CAMK2D: variants seen among roughly 807,000 people sequenced by gnomAD.
CAMK2D encodes calcium/calmodulin-dependent protein kinase type II subunit delta.
CAMK2D carries 37 observed loss-of-function variants against 84.0 expected under a neutral mutation model. The observed-to-expected ratio is 0.44, with a 90% CI of 0.34 to 0.58. The LOEUF is 0.58. Ranked by LOEUF, CAMK2D falls within the 20% of genes least tolerant of loss-of-function variation. The pLI, the probability that CAMK2D is intolerant of heterozygous loss-of-function variation, is 0.02. For missense variants in CAMK2D, 448 were observed against 652.5 expected (o/e 0.69, Z 3.41); for synonymous variants, 202 against 212.5 (o/e 0.95, Z 0.43).
chr4:113,452,001 T>C lies in CAMK2D; in HGVS notation c.*2544A>G, dbSNP rs2097260524. On this transcript the variant is annotated 3_prime_UTR_variant, in exon 21 of 21. Coordinates refer to ENST00000511664, the MANE Select transcript of CAMK2D (RefSeq NM_001321571.2). ...TAAACAGGCATGTGAGCAAGTGTGA[T>C]GTTTTTAGCAAATCAAAAGAAGCTG... is the stretch of plus-strand genomic sequence containing the variant. 2.0e-5 allele frequency: 3 copies of C among 152,146 alleles called. No individual in the cohort carries two copies. Among genetic ancestry groups the C allele is most frequent in the Admixed American group, 2.0e-4 (3 of 15,254 alleles). 9.4% of individuals were successfully genotyped at this position (152,146 alleles called of 1,614,324 possible).
intron 2 of CAMK2D, among the ~76,000 whole-genome samples, chr4:113,702,873 TG>T (rs1233944006): frequency 1.3e-5 from 2 of 152,172 alleles, no homozygotes; most frequent in African/African-American, 2.4e-5. Flanking sequence ...AATACCATCC[TG>T]GGTGACAGAA....
chr4:113,455,526 A>G (rs1233427543), intron 20 of CAMK2D, among the ~76,000 whole-genome samples, 200 bp downstream of exon 20: 1 of 152,180 alleles, frequency 6.6e-6, no homozygotes, highest in African/African-American at 2.4e-5. Flanking sequence ...TATTACCTTT[A>G]AAATAAGGAT....
rs760746965 is a variant in CAMK2D, at chr4:113,562,724, C to CA, written c.276-10629dup. Among the ~76,000 whole-genome samples the CA allele has an allele frequency of 2.0e-5, 3 of 152,222 alleles. No individual in the cohort carries two copies. In the South Asian group the frequency reaches 6.2e-4, roughly 32 times the overall value. On this transcript the variant is annotated intron_variant, in intron 4 of 20. Transcript: ENST00000511664. ...TTTAATAATCAATTGTTCATTGAATCAAAAAACATTTGTTGCTTTTTATGT... is the reference window on the plus strand; with the variant it reads ...TTTAATAATCAATTGTTCATTGAATCAAAAAAACATTTGTTGCTTTTTATGT...
chr4:113,645,966 G>T (rs910515990), intron 3 of CAMK2D, among the ~76,000 whole-genome samples: 1 of 152,208 alleles, frequency 6.6e-6, no homozygotes, highest in African/African-American at 2.4e-5. Context: ...AATACGATAA[G>T]GAGATGTTAA....
chr4:113,574,814 T>C (rs1423239001), intron 4 of CAMK2D, among the ~76,000 whole-genome samples: 18 of 152,208 alleles, frequency 1.2e-4, no homozygotes, highest in Admixed American at 1.2e-3. Flanking sequence ...ATGTTACATA[T>C]GTGTTCCAAA....
At chr4:113,731,397 C>T (rs961967847) in intron 2 of CAMK2D, among the ~76,000 whole-genome samples, 4 of 152,092 alleles carry the variant, frequency 2.6e-5, no homozygotes, top group African/African-American at 9.7e-5. Flanking sequence ...AGTTTGAGTA[C>T]TATTCAAATG....
chr4:113,518,415 TA>T (rs1288608896), intron 8 of CAMK2D, among the ~76,000 whole-genome samples: 1 of 152,292 alleles, frequency 6.6e-6, no homozygotes, highest in South Asian at 2.1e-4. Flanking sequence ...CTTTTAAAAT[TA>T]AAAAAATTCT....
chr4:113,652,495 C>T (rs577999540), intron 3 of CAMK2D, among the ~76,000 whole-genome samples: 1 of 152,012 alleles, frequency 6.6e-6, no homozygotes, highest in Non-Finnish European at 1.5e-5. Flanking sequence ...TTTAAGTGAA[C>T]AAAAAGTGTT....
At chr4:113,593,468 G>C (rs978795112) in intron 4 of CAMK2D, among the ~76,000 whole-genome samples, 1 of 152,168 alleles carries the variant, frequency 6.6e-6, no homozygotes, top group Non-Finnish European at 1.5e-5. Context: ...TGAAGGATCA[G>C]TGTGGACAAG....
intron 2 of CAMK2D, among the ~76,000 whole-genome samples, chr4:113,664,738 T>C (rs960873313): frequency 6.6e-6 from 1 of 151,826 alleles, no homozygotes; most frequent in Non-Finnish European, 1.5e-5. Context: ...CCAATTTCAA[T>C]GTACAAGGGC....
At chr4:113,500,986 T>A (rs947618988) in intron 15 of CAMK2D, among the ~76,000 whole-genome samples, 5 of 152,040 alleles carry the variant, frequency 3.3e-5, no homozygotes, top group Non-Finnish European at 7.4e-5. Context: ...CCTTACACCT[T>A]TATAGGGAGA....
At chr4:113,648,541 A>C (rs1320210779) in intron 3 of CAMK2D, among the ~76,000 whole-genome samples, 1 of 152,246 alleles carries the variant, frequency 6.6e-6, no homozygotes, top group Non-Finnish European at 1.5e-5. Context: ...CAAAAGATAC[A>C]TGTTTGGGAA....
At chr4:113,757,925 T>C (rs915434240) in intron 2 of CAMK2D, among the ~76,000 whole-genome samples, 2 of 152,156 alleles carry the variant, frequency 1.3e-5, no homozygotes, top group African/African-American at 4.8e-5. Flanking sequence ...AGCACTACAC[T>C]GATTTGTTTT....
chr4:113,606,597 G>C (rs1329754689), intron 4 of CAMK2D, among the ~76,000 whole-genome samples: 1 of 151,852 alleles, frequency 6.6e-6, no homozygotes, highest in East Asian at 1.9e-4. Context: ...AACAGACTAC[G>C]GGAAAACTAC....
In CAMK2D at chr4:113,500,004, C is replaced by A. The variant is rs34950209; in HGVS notation, c.1135+459G>T. On this transcript the variant is annotated intron_variant, in intron 16 of 20. Transcript: ENST00000511664. ...TACACAAAAAGCTAGGATAAAAAGG[C>A]GGCCAAATAGAAAATTCTACTGATA... is the stretch of plus-strand genomic sequence containing the variant. Among the ~76,000 whole-genome samples, 446 of 145,520 alleles carry A rather than the reference C, an allele frequency of 3.1e-3. 4 individuals are homozygous for A. Among genetic ancestry groups the A allele is most frequent in the East Asian group, 0.027 (139 of 5,168 alleles).
At chr4:113,596,410 T>C (rs749576424) in intron 4 of CAMK2D, among the ~76,000 whole-genome samples, 11 of 152,252 alleles carry the variant, frequency 7.2e-5, no homozygotes, top group Non-Finnish European at 1.2e-4. Flanking sequence ...GCATCTAGAA[T>C]GGTAAATCCT....
rs568871975 is a variant in CAMK2D, at chr4:113,593,957, T to C, written c.275+15195A>G. 2.0e-5 allele frequency among the ~76,000 whole-genome samples: 3 copies of C among 152,254 alleles called. No homozygotes were observed. The South Asian group carries it at 6.2e-4, about 32-fold the overall frequency. ...CCTAGTGTATTAGTCCATTCTCACATTGCTATAAAGAAAAACCTGAGACTG... is the reference window on the plus strand; with the variant it reads ...CCTAGTGTATTAGTCCATTCTCACACTGCTATAAAGAAAAACCTGAGACTG... On this transcript the variant is annotated intron_variant, in intron 4 of 20. Transcript: ENST00000511664.
intron 2 of CAMK2D, among the ~76,000 whole-genome samples, chr4:113,699,016 T>C (rs908761585): frequency 3.3e-5 from 5 of 152,116 alleles, no homozygotes; most frequent in Admixed American, 3.3e-4. Flanking sequence ...TATATTTCCA[T>C]TGGATAGATA....
intron 3 of CAMK2D, among the ~76,000 whole-genome samples, chr4:113,651,353 A>C (rs2099171399): frequency 6.6e-6 from 1 of 152,170 alleles, no homozygotes; most frequent in Non-Finnish European, 1.5e-5. Context: ...CCTATGGAGC[A>C]TTTTTAAAGA....
Sources: gnomAD v4.1 joint callset for allele counts (sites outside exome capture counted in the v4.1 genomes callset) on GRCh38, gnomAD v4.1.1 for gene constraint, MANE v1.5 for transcripts, NCBI Gene and HGNC (gene_info 2026-07-23, HGNC 2026-07-21) for gene names.